Variants in TCERG1 observed in about 807,000 individuals in gnomAD.
TCERG1 encodes transcription elongation regulator 1, also known as TATA box binding protein (TBP)-associated factor, RNA polymerase II, S, 150kD.
In TCERG1, 37 loss-of-function variants were observed where a neutral mutation model predicts 144.7. The observed-to-expected ratio is 0.26, with a 90% confidence interval of 0.20 to 0.34. The LOEUF (loss-of-function observed/expected upper bound fraction) is 0.34. Ranked by LOEUF, TCERG1 falls within the 10% of genes least tolerant of loss-of-function variation. The pLI, the probability that TCERG1 is intolerant of heterozygous loss-of-function variation, is 1.00. For missense variants in TCERG1, 1,027 were observed against 1,380.7 expected, an observed-to-expected ratio of 0.74 and a Z score of 4.06; for synonymous variants, 492 against 458.2, an observed-to-expected ratio of 1.07 and a Z score of -0.94.
At chr5:146,486,638 A>C (rs896200840) in intron 15 of TCERG1, among the ~76,000 whole-genome samples, 11 of 152,336 alleles carry the variant, frequency 7.2e-5, no homozygotes, top group African/African-American at 2.6e-4. Flanking sequence ...ATAGTGCTGG[A>C]AGTCTTAGCC....
intron 9 of TCERG1, among the ~76,000 whole-genome samples, chr5:146,477,396 G>A (rs1764935666): frequency 6.6e-6 from 1 of 152,012 alleles, no homozygotes; most frequent in Admixed American, 6.6e-5. Flanking sequence ...TTTCTGTTGG[G>A]GTTTTAGCTG....
intron 17 of TCERG1, among the ~76,000 whole-genome samples, chr5:146,499,154 G>T (rs1187849794): frequency 1.3e-5 from 2 of 152,128 alleles, no homozygotes; most frequent in African/African-American, 2.4e-5. Flanking sequence ...AAAGATTAAT[G>T]AATTCCAAAT....
At chr5:146,491,474 C>T (rs1766414734) in intron 15 of TCERG1, among the ~76,000 whole-genome samples, 2 of 152,078 alleles carry the variant, frequency 1.3e-5, no homozygotes, top group East Asian at 1.9e-4. Flanking sequence ...ATCACTGTGC[C>T]AAGGTTGAGA....
intron 11 of TCERG1, 25 bp from the exon 12 acceptor site, chr5:146,480,003 A>G (rs557078503): frequency 1.3e-6 from 2 of 1,590,750 alleles, no homozygotes; most frequent in East Asian, 4.5e-5. Flanking sequence ...ATTCCTAAAT[A>G]TTTTAATTAA....
At chr5:146,468,868 A>G (rs543791158) in intron 6 of TCERG1, among the ~76,000 whole-genome samples, 12 of 151,994 alleles carry the variant, frequency 7.9e-5, no homozygotes, top group Non-Finnish European at 1.6e-4. Context: ...AATTCAGTAT[A>G]GGATTTGAGG....
intron 8 of TCERG1, among the ~76,000 whole-genome samples, 183 bp downstream of exon 8, chr5:146,470,931 G>A (rs751563640): frequency 6.6e-6 from 1 of 152,106 alleles, no homozygotes; most frequent in Non-Finnish European, 1.5e-5. Flanking sequence ...ATTACTTCTT[G>A]TACTAAACTG....
chr5:146,494,333 T>G (rs1056463321), intron 16 of TCERG1, among the ~76,000 whole-genome samples: 1 of 152,164 alleles, frequency 6.6e-6, no homozygotes, highest in African/African-American at 2.4e-5. Context: ...AGTCTTAAGA[T>G]GTCTGCAGCT....
chr5:146,469,964 A>G (rs1440116570), intron 7 of TCERG1, among the ~76,000 whole-genome samples: 3 of 152,274 alleles, frequency 2.0e-5, no homozygotes, highest in Non-Finnish European at 2.9e-5. Flanking sequence ...AAATGGTTAT[A>G]TGTACGTACA....
chr5:146,503,214 C>A, intron 17 of TCERG1, 161 bp from the exon 18 acceptor site: 2 of 568,194 alleles, frequency 3.5e-6, no homozygotes, highest in Non-Finnish European at 5.8e-6. Context: ...CACTTCTGAT[C>A]TTTTACTGTA....
At chr5:146,488,211 A>G (rs567999902) in intron 15 of TCERG1, among the ~76,000 whole-genome samples, 2 of 152,298 alleles carry the variant, frequency 1.3e-5, no homozygotes, top group South Asian at 2.1e-4. Context: ...TACAAATAAG[A>G]CCTCAAAAGC....
Position 146,463,756 on chromosome 5 carries a change from T to C in TCERG1, c.1098T>C (p.Phe366=), listed in dbSNP as rs764861438. 15 of 1,614,226 alleles carry C rather than the reference T, an allele frequency of 9.3e-6. No homozygotes were observed. The highest frequency in any genetic ancestry group is 1.3e-5 in the Non-Finnish European group (15 of 1,180,040). ...PAFPPVMVPP[F]RVPLPGMPIP... ...TTCCACCAGTAATGGTACCTCCGTT[T>C]CGTGTTCCCCTTCCTGGCATGCCAA... Residue 366 remains phenylalanine, a synonymous_variant, in exon 5 of 23, where the codon TTT becomes TTC. Coordinates refer to ENST00000679501, the MANE Select transcript of TCERG1 (RefSeq NM_001382548.1).
intron 15 of TCERG1, among the ~76,000 whole-genome samples, chr5:146,489,668 A>G (rs1289141649): frequency 2.0e-5 from 3 of 152,214 alleles, no homozygotes; most frequent in African/African-American, 7.2e-5. Context: ...GAACATTCCA[A>G]GCACTCCAGA....
chr5:146,457,051 A>G, intron 2 of TCERG1, 132 bp from the exon 3 acceptor site: 3 of 1,201,382 alleles, frequency 2.5e-6, no homozygotes, highest in African/African-American at 1.5e-5. Flanking sequence ...TTTTGCTTCT[A>G]TGACAGGTGA....
At chr5:146,453,893 C>T (rs1227824130) in intron 1 of TCERG1, among the ~76,000 whole-genome samples, 2 of 152,044 alleles carry the variant, frequency 1.3e-5, no homozygotes, top group Admixed American at 6.6e-5. Flanking sequence ...TACACATCCC[C>T]CTTTTAATAG....
intron 15 of TCERG1, 53 bp downstream of exon 15, chr5:146,483,682 T>C: frequency 7.6e-7 from 1 of 1,309,060 alleles, no homozygotes; most frequent in Non-Finnish European, 1.1e-6. Flanking sequence ...CAACATAGTT[T>C]TTAAATTATA....
At chr5:146,464,669 A>G (rs1763621606) in intron 5 of TCERG1, among the ~76,000 whole-genome samples, 1 of 152,170 alleles carries the variant, frequency 6.6e-6, no homozygotes, top group Non-Finnish European at 1.5e-5. Flanking sequence ...TTATAGTTGA[A>G]AGTATTGGTA....
chr5:146,486,742 A>G (rs1232495839), intron 15 of TCERG1, among the ~76,000 whole-genome samples: 1 of 152,144 alleles, frequency 6.6e-6, no homozygotes, highest in Non-Finnish European at 1.5e-5. Flanking sequence ...GATCTTACAT[A>G]TGGAAAAACC....
chr5:146,493,251 A>G (rs563382330), intron 16 of TCERG1, among the ~76,000 whole-genome samples: 1 of 152,174 alleles, frequency 6.6e-6, no homozygotes, highest in African/African-American at 2.4e-5. Flanking sequence ...CTTTGATTTA[A>G]GTGCTTCCCT....
chr5:146,448,729 T>A (rs1762109085), intron 1 of TCERG1, among the ~76,000 whole-genome samples: 2 of 152,256 alleles, frequency 1.3e-5, no homozygotes, highest in Admixed American at 1.3e-4. Flanking sequence ...ATTTCAGAGA[T>A]GAATCTGAAA....
Sources: allele counts gnomAD v4.1 joint callset (sites outside exome capture counted in the v4.1 genomes callset), GRCh38; gene constraint gnomAD v4.1.1; transcripts MANE v1.5; gene names NCBI Gene and HGNC (gene_info 2026-07-23, HGNC 2026-07-21).